ANKS1B: variants seen among roughly 807,000 people sequenced by gnomAD.
The protein encoded by ANKS1B is ankyrin repeat and sterile alpha motif domain containing 1B, also known as ankyrin repeat and sterile alpha motif domain-containing protein 1B.
ANKS1B carries 36 observed loss-of-function variants against 148.3 expected under a neutral mutation model. That is an observed-to-expected ratio of 0.24 (90% CI 0.19 to 0.32). ANKS1B has a LOEUF of 0.32. Among genes scored for constraint, ANKS1B ranks in the 10% least tolerant of loss-of-function variants. ANKS1B has a pLI of 1.00. For missense variants in ANKS1B, 1,157 were observed against 1,542.6 expected (o/e 0.75, Z 4.19); for synonymous variants, 542 against 560.8 (o/e 0.97, Z 0.47).
intron 17 of ANKS1B, among the ~76,000 whole-genome samples, chr12:98,980,408 G>A (rs1222672592): frequency 6.6e-6 from 1 of 152,024 alleles, no homozygotes; most frequent in South Asian, 2.1e-4. Flanking sequence ...GGGTTTCACC[G>A]TGTTAGCCAG....
intron 6 of ANKS1B, among the ~76,000 whole-genome samples, chr12:99,778,025 C>T (rs1016218885): frequency 1.3e-5 from 2 of 151,656 alleles, no homozygotes; most frequent in Non-Finnish European, 2.9e-5. Flanking sequence ...CGTGAAACTC[C>T]GTCTCTACTA....
At chr12:99,102,911 C>T (rs1227675397) in intron 15 of ANKS1B, among the ~76,000 whole-genome samples, 2 of 151,586 alleles carry the variant, frequency 1.3e-5, no homozygotes, top group African/African-American at 2.4e-5. Context: ...CCTAGGCGAC[C>T]GATAGATATG....
chr12:99,784,283 T>A (rs1044252053), intron 4 of ANKS1B, among the ~76,000 whole-genome samples: 2 of 150,732 alleles, frequency 1.3e-5, no homozygotes, highest in Admixed American at 6.6e-5. Flanking sequence ...ACCATTCCCC[T>A]GTCTCAGCCT....
intron 10 of ANKS1B, among the ~76,000 whole-genome samples, chr12:99,494,915 C>A (rs1180535614): frequency 2.0e-5 from 3 of 151,994 alleles, no homozygotes; most frequent in Non-Finnish European, 2.9e-5. Flanking sequence ...GGTTACAGGG[C>A]AGTTGCATTT....
intron 1 of ANKS1B, among the ~76,000 whole-genome samples, chr12:99,878,895 T>TG (rs2092308690): frequency 6.6e-6 from 1 of 152,194 alleles, no homozygotes; most frequent in Non-Finnish European, 1.5e-5. Flanking sequence ...TATAATTCCT[T>TG]GAAGTTTTCT....
At chr12:99,274,183 C>T (rs1046336807) in intron 12 of ANKS1B, among the ~76,000 whole-genome samples, 2 of 152,054 alleles carry the variant, frequency 1.3e-5, no homozygotes, top group Non-Finnish European at 2.9e-5. Flanking sequence ...ACTTTACTTC[C>T]CTGATAGCGC....
intron 1 of ANKS1B, among the ~76,000 whole-genome samples, chr12:99,953,018 C>A (rs2095253853): frequency 1.3e-5 from 2 of 152,016 alleles, no homozygotes; most frequent in South Asian, 4.1e-4. Flanking sequence ...AGCAGATATC[C>A]AATGATTGAA....
At chr12:99,818,234 T>A (rs1488993342) in intron 2 of ANKS1B, among the ~76,000 whole-genome samples, 1 of 151,790 alleles carries the variant, frequency 6.6e-6, no homozygotes, top group Non-Finnish European at 1.5e-5. Context: ...TTATTTAGGT[T>A]GAGCCTTATA....
At chr12:99,932,485 T>A (rs1324965505) in intron 1 of ANKS1B, among the ~76,000 whole-genome samples, 1 of 152,236 alleles carries the variant, frequency 6.6e-6, no homozygotes, top group Non-Finnish European at 1.5e-5. Context: ...GGTGAAATGA[T>A]ATCTCCTTGT....
At chr12:98,866,390 C>T (rs2099624755) in intron 17 of ANKS1B, among the ~76,000 whole-genome samples, 2 of 152,164 alleles carry the variant, frequency 1.3e-5, no homozygotes, top group South Asian at 4.1e-4. Flanking sequence ...GCATGCCCAC[C>T]TACTTCCCAC....
At chr12:98,905,352 T>C (rs1457043409) in intron 17 of ANKS1B, among the ~76,000 whole-genome samples, 1 of 152,178 alleles carries the variant, frequency 6.6e-6, no homozygotes, top group African/African-American at 2.4e-5. Context: ...CCCAACCTAA[T>C]GCTTGTGGTG....
chr12:99,635,594 A>G (rs2098226098), intron 9 of ANKS1B, among the ~76,000 whole-genome samples: 1 of 152,156 alleles, frequency 6.6e-6, no homozygotes, highest in Non-Finnish European at 1.5e-5. Flanking sequence ...TGCCATTGAC[A>G]GATAGGGGGA....
At chr12:99,332,954 T>C (rs979404627) in intron 12 of ANKS1B, among the ~76,000 whole-genome samples, 27 of 151,932 alleles carry the variant, frequency 1.8e-4, no homozygotes, top group African/African-American at 6.5e-4. Context: ...GGGGGCTGTA[T>C]TGTAGCCTAA....
intron 1 of ANKS1B, among the ~76,000 whole-genome samples, chr12:99,941,958 C>A (rs1280975523): frequency 6.6e-6 from 1 of 152,186 alleles, no homozygotes; most frequent in South Asian, 2.1e-4. Context: ...GTGTGGAATA[C>A]GCAAGTGAAA....
intron 3 of ANKS1B, among the ~76,000 whole-genome samples, chr12:99,807,457 T>C (rs535758550): frequency 2.6e-5 from 4 of 152,262 alleles, no homozygotes; most frequent in East Asian, 1.9e-4. Context: ...TTCAGACTAT[T>C]TGAGCAATAT....
In ANKS1B at chr12:98,940,961, T is replaced by C. The variant is rs111977789; in HGVS notation, c.2779-108825A>G. Among the ~76,000 whole-genome samples, 299 of 152,322 alleles carry C rather than the reference T, an allele frequency of 2.0e-3. 3 individuals are homozygous for C. Among genetic ancestry groups the C allele is most frequent in the African/African-American group, 7.0e-3 (293 of 41,570 alleles). On this transcript the variant is annotated intron_variant, in intron 17 of 26. Transcript: ENST00000683438. Reference sequence around the variant, plus strand: ...TATGGTATGATTCCTTTTTCTTTTTTTGACATAAAGAAAATACAGAGAATT... The same window carrying C: ...TATGGTATGATTCCTTTTTCTTTTTCTGACATAAAGAAAATACAGAGAATT...
intron 12 of ANKS1B, among the ~76,000 whole-genome samples, chr12:99,334,798 T>C (rs1012779482): frequency 3.9e-5 from 6 of 152,028 alleles, no homozygotes; most frequent in African/African-American, 1.2e-4. Context: ...ACGTATGGAG[T>C]AAGGCAAGGT....
chr12:99,769,548 C>A (rs557506345), intron 8 of ANKS1B, among the ~76,000 whole-genome samples: 1 of 152,314 alleles, frequency 6.6e-6, no homozygotes, highest in South Asian at 2.1e-4. Context: ...AAACTTCTGG[C>A]TAGCCTCCCA....
At chr12:98,783,805 C>G (rs1439585951) in intron 22 of ANKS1B, among the ~76,000 whole-genome samples, 1 of 152,126 alleles carries the variant, frequency 6.6e-6, no homozygotes, top group Non-Finnish European at 1.5e-5. Context: ...AAGCTTTTCA[C>G]TAGAGAGTGA....
Sources: allele counts gnomAD v4.1 joint callset (sites outside exome capture counted in the v4.1 genomes callset), GRCh38; gene constraint gnomAD v4.1.1; transcripts MANE v1.5; gene names NCBI Gene and HGNC (gene_info 2026-07-23, HGNC 2026-07-21).